Variants in NFE2L3 observed in about 807,000 individuals in gnomAD.
NFE2L3 encodes the protein nuclear factor erythroid 2-related factor 3.
A neutral mutation model predicts 23.5 loss-of-function variants in NFE2L3; 18 were observed. That is an observed-to-expected ratio of 0.77 (90% CI 0.53 to 1.13). The LOEUF (loss-of-function observed/expected upper bound fraction) is 1.13. Among genes scored for constraint, NFE2L3 ranks in the 50% most tolerant of loss-of-function variants. The probability of loss-of-function intolerance (pLI) is 0.00; values close to 1 mark genes in which losing one functional copy is unlikely to be tolerated. For synonymous variants in NFE2L3, 424 were observed against 354.5 expected, an observed-to-expected ratio of 1.20 and a Z score of -2.20; for missense variants, 1,152 against 877.2, an observed-to-expected ratio of 1.31 and a Z score of -3.96.
At chr7:26,178,323 CTGGT>C (rs1418007700) in intron 2 of NFE2L3, among the ~76,000 whole-genome samples, 4 of 152,218 alleles carry the variant, frequency 2.6e-5, no homozygotes, top group African/African-American at 7.2e-5. Flanking sequence ...ATTGTTTTCT[CTGGT>C]TAAACTCAAG....
intron 2 of NFE2L3, among the ~76,000 whole-genome samples, chr7:26,181,956 T>A (rs1784521093): frequency 6.6e-6 from 1 of 151,716 alleles, no homozygotes; most frequent in South Asian, 2.1e-4. Flanking sequence ...GAAAGCAAAA[T>A]TGAGACAATG....
intron 2 of NFE2L3, among the ~76,000 whole-genome samples, chr7:26,181,949 A>C (rs2128100111): frequency 6.6e-6 from 1 of 152,318 alleles, no homozygotes; most frequent in Middle Eastern, 3.4e-3. Context: ...AAAATATGAA[A>C]GCAAAATTGA....
chr7:26,175,474 A>G (rs1784386924), intron 1 of NFE2L3, among the ~76,000 whole-genome samples: 1 of 151,862 alleles, frequency 6.6e-6, no homozygotes, highest in Non-Finnish European at 1.5e-5. Context: ...AACCAGAATT[A>G]ATAGTTTATA....
chr7:26,176,545 G>GAT (rs1177617007), intron 1 of NFE2L3, among the ~76,000 whole-genome samples: 7 of 117,834 alleles, frequency 5.9e-5, no homozygotes, highest in South Asian at 3.7e-4. Flanking sequence ...CATCCCAGAC[G>GAT]GGGTGGCCAG....
At position 26,185,413 on chromosome 7, in the gene NFE2L3, C is replaced by T. The variant is rs775849385; in HGVS notation, c.1715C>T (p.Thr572Ile). 5.6e-6 allele frequency: 9 copies of T among 1,614,008 alleles called. No homozygotes were observed. The highest frequency in any genetic ancestry group is 2.2e-5 in the East Asian group (1 of 44,900). ...FNSMLSRYYL[T>I]DLQVSLIRDI... ...AGCATGTTAAGTAGATATTATCTGA[C>T]AGACCTACAAGTCTCACTTATCCGT... Residue 572 changes from threonine to isoleucine, a missense_variant, in exon 4 of 4, where the codon ACA becomes ATA. Coordinates refer to ENST00000056233, the MANE Select transcript of NFE2L3 (RefSeq NM_004289.7).
Position 26,185,875 on chromosome 7 carries a change from TGTATCTTTAA to T in NFE2L3, c.*96_*105del, listed in dbSNP as rs1354715217. The T allele has an allele frequency of 9.2e-7, 1 of 1,081,276 alleles. No individual in the cohort carries two copies. The highest frequency in any genetic ancestry group is 1.3e-6 in the Non-Finnish European group (1 of 765,882). 67.0% of individuals were successfully genotyped at this position (1,081,276 alleles called of 1,614,324 possible). ...AAACCATTGAAACTGCTTCAAGAAT[TGTATCTTTAA>T]GTACTGCTACTTGAATAACTCAGTT... On this transcript the variant is annotated 3_prime_UTR_variant, in exon 4 of 4. Transcript: ENST00000056233.
chr7:26,158,065 T>G (rs1784109678), intron 1 of NFE2L3, among the ~76,000 whole-genome samples: 1 of 152,098 alleles, frequency 6.6e-6, no homozygotes, highest in Non-Finnish European at 1.5e-5. Flanking sequence ...TTTTTTATTT[T>G]TGAGATGGAA....
chr7:26,184,369 C>T (rs1263800457), intron 3 of NFE2L3, 164 bp from the exon 4 acceptor site: 2 of 599,840 alleles, frequency 3.3e-6, no homozygotes, highest in African/African-American at 2.0e-5. Context: ...ACTCACATCT[C>T]GTATTGTATT....
chr7:26,184,683 A>G lies in NFE2L3; in HGVS notation c.985A>G (p.Arg329Gly). The change falls in exon 4 of 4, where the codon AGA becomes GGA. Residue 329 changes from arginine to glycine, a missense_variant. Transcript: ENST00000056233. ...GCTTTGTCCCAACAATACATTTAGA[A>G]GAGATCCAACAGCAAGGACTTCACA... ...ILLCPNNTFR[R>G]DPTARTSQSQ... is the part of the protein sequence containing the mutation. 6.2e-7 allele frequency: 1 copy of G among 1,613,950 alleles called. No homozygotes were observed. The highest frequency in any genetic ancestry group is 8.5e-7 in the Non-Finnish European group (1 of 1,179,854).
intron 1 of NFE2L3, among the ~76,000 whole-genome samples, chr7:26,161,562 C>T (rs1212185673): frequency 1.3e-5 from 2 of 151,886 alleles, no homozygotes; most frequent in Non-Finnish European, 1.5e-5. Context: ...TCTGCCTTGA[C>T]GCTCCTCCCC....
At chr7:26,154,737 C>T (rs1164416957) in intron 1 of NFE2L3, among the ~76,000 whole-genome samples, 2 of 152,162 alleles carry the variant, frequency 1.3e-5, no homozygotes, top group African/African-American at 2.4e-5. Flanking sequence ...AGACAGGTCT[C>T]GCTATGTTGC....
chr7:26,152,612 G>A lies in NFE2L3; in HGVS notation c.114G>A (p.Pro38=). ...VDLDLYLLLP[P]PTLLQDELLF... ...TAGATCTTTACCTGCTGCTGCCGCC[G>A]CCCACCCTGCTGCAGGACGAGCTGC... Residue 38 remains proline, a synonymous_variant, in exon 1 of 4, where the codon CCG becomes CCA. Coordinates refer to ENST00000056233, the MANE Select transcript of NFE2L3 (RefSeq NM_004289.7). The surrounding 1 kb of genome is among the most constrained non-coding windows in gnomAD (Gnocchi z 4.4). 6.5e-7 allele frequency: 1 copy of A among 1,539,498 alleles called. No homozygotes were observed. The highest frequency in any genetic ancestry group is 1.9e-5 in the Admixed American group (1 of 52,114).
rs1221529339 is a variant in NFE2L3 at position 26,185,489 on chromosome 7, A to G, written c.1791A>G (p.Lys597=). Reference sequence around the variant, plus strand: ...AAGTTGCTGCGCAGAACTGTCGTAAACGCAAATTGGACATAATTTTGAATT... The same window carrying G: ...AAGTTGCTGCGCAGAACTGTCGTAAGCGCAAATTGGACATAATTTTGAATT... The part of the protein sequence containing the change: ...KNKVAAQNCR[K]RKLDIILNLE... Residue 597 remains lysine (K), a synonymous_variant, in exon 4 of 4, where the codon AAA becomes AAG. Transcript: ENST00000056233. 7 of 1,613,908 alleles carry G rather than the reference A, an allele frequency of 4.3e-6. No homozygotes were observed. The highest frequency in any genetic ancestry group is 2.2e-5 in the East Asian group (1 of 44,900).
At chr7:26,184,007 G>T (rs186206539) in intron 3 of NFE2L3, 7 of 511,244 alleles carry the variant, frequency 1.4e-5, no homozygotes, top group African/African-American at 7.9e-5. Context: ...ACAGCGTGGA[G>T]ATTTCTCAAA....
intron 1 of NFE2L3, among the ~76,000 whole-genome samples, chr7:26,154,987 T>C (rs1481133498): frequency 6.6e-6 from 1 of 152,206 alleles, no homozygotes; most frequent in Non-Finnish European, 1.5e-5. Context: ...TGGGCTGGCA[T>C]GTGTGCACCA....
At chr7:26,174,948 T>C (rs1387892922) in intron 1 of NFE2L3, 2 of 152,174 alleles carry the variant, frequency 1.3e-5, no homozygotes, top group Admixed American at 6.5e-5. Context: ...GCCTTTTAAT[T>C]ATTTAGGTCT....
intron 2 of NFE2L3, among the ~76,000 whole-genome samples, chr7:26,181,559 G>GAAAGTAC (rs1321988809): frequency 6.6e-6 from 1 of 152,116 alleles, no homozygotes. Flanking sequence ...TCGGCCAAGA[G>GAAAGTAC]AAAGTACAGT....
chr7:26,184,496 C>T, intron 3 of NFE2L3, 37 bp from the exon 4 acceptor site: 1 of 1,557,124 alleles, frequency 6.4e-7, no homozygotes, highest in Non-Finnish European at 8.7e-7. Flanking sequence ...AGAAATAGGG[C>T]TATTCATGTT....
At chr7:26,153,855 CT>C (rs1176919780) in intron 1 of NFE2L3, among the ~76,000 whole-genome samples, 5 of 152,216 alleles carry the variant, frequency 3.3e-5, no homozygotes, top group Admixed American at 3.3e-4. Flanking sequence ...TCTAATGACA[CT>C]TTAACACCAG....
Sources: gnomAD v4.1 joint callset for allele counts (sites outside exome capture counted in the v4.1 genomes callset) on GRCh38, gnomAD v4.1.1 for gene constraint, Gnocchi (gnomAD v3.1) non-coding constraint, MANE v1.5 for transcripts, NCBI Gene and HGNC (gene_info 2026-07-23, HGNC 2026-07-21) for gene names.